Variants in DNAH11 observed in about 807,000 individuals in gnomAD.
DNAH11 encodes dynein axonemal heavy chain 11, also known as axonemal beta dynein heavy chain 11.
Under a neutral mutation model 526.0 loss-of-function variants are expected in DNAH11, and 442 were observed. The ratio of observed to expected loss-of-function variants is 0.84; its 90% CI spans 0.78 to 0.91. DNAH11 has a LOEUF of 0.91. Ranked by LOEUF, DNAH11 falls within the 40% of genes least tolerant of loss-of-function variation. The pLI is 0.00. For missense variants in DNAH11, 6,989 were observed against 5,448.7 expected (o/e 1.28, Z -8.90); for synonymous variants, 2,461 against 1,935.9 (o/e 1.27, Z -7.12).
chr7:21,773,212 G>A (rs1284021989), intron 55 of DNAH11, among the ~76,000 whole-genome samples: 1 of 151,982 alleles, frequency 6.6e-6, no homozygotes, highest in African/African-American at 2.4e-5. Flanking sequence ...TCTTTTTGTG[G>A]GTTTTCTTTC....
At chr7:21,829,847 C>A (rs775969188) in intron 65 of DNAH11, among the ~76,000 whole-genome samples, 125 of 152,270 alleles carry the variant, frequency 8.2e-4, no homozygotes, top group Non-Finnish European at 1.2e-3. Flanking sequence ...CACAGAGATT[C>A]TTGTTTTCAG....
chr7:21,773,945 GA>G lies in DNAH11; in HGVS notation c.9288del (p.Glu3097AsnfsTer4). 1 of 1,566,388 alleles carries G rather than the reference GA, an allele frequency of 6.4e-7. No homozygotes were observed. The highest frequency in any genetic ancestry group is 1.8e-5 in the Admixed American group (1 of 55,388). ...AGAAGAAGCAAAATGAGGTATCCGA[GA>G]AAAAAGAACGCCTGGTGAACGGCAT... ...LKKKQNEVSEKKERLVNGIQK... is the reference protein window; with the variant it reads ...LKKKQNEVSEXKERLVNGIQK... On this transcript the variant is annotated frameshift_variant, in exon 56 of 82. Coordinates refer to ENST00000409508, the MANE Select transcript of DNAH11 (RefSeq NM_001277115.2). LOFTEE classifies it high-confidence loss of function.
chr7:21,745,031 C>G lies in DNAH11; in HGVS notation c.8478C>G (p.His2826Gln). Residue 2826 changes from histidine (H) to glutamine (Q), a missense_variant, in exon 51 of 82, where the codon CAC (histidine) becomes CAG (glutamine). Physicochemically the swap from His to Gln is conservative, Grantham distance 24 (BLOSUM62 0). Transcript: ENST00000409508. ...DNYNELNAAM[H>Q]LVLFEDAMQH... Reference sequence around the variant, plus strand: ...ACAATGAACTAAATGCTGCCATGCACCTAGTTTTGTTTGAAGATGCCATGC... The same window carrying G: ...ACAATGAACTAAATGCTGCCATGCAGCTAGTTTTGTTTGAAGATGCCATGC... 2 of 1,609,304 alleles carry G rather than the reference C, an allele frequency of 1.2e-6. No individual in the cohort carries two copies. Among genetic ancestry groups the G allele is most frequent in the African/African-American group, 2.7e-5 (2 of 74,984 alleles).
intron 34 of DNAH11, among the ~76,000 whole-genome samples, chr7:21,688,024 C>T (rs1236167003): frequency 2.6e-5 from 4 of 152,126 alleles, no homozygotes; most frequent in East Asian, 1.9e-4. Flanking sequence ...TTCGTGCCAC[C>T]GTGCTCCAGC....
At chr7:21,554,355 A>G (rs2128428788) in intron 2 of DNAH11, among the ~76,000 whole-genome samples, 1 of 151,820 alleles carries the variant, frequency 6.6e-6, no homozygotes, top group East Asian at 2.0e-4. Flanking sequence ...TGTATTTTTT[A>G]GTAGAGATGA....
rs376470998 is a variant in DNAH11, at chr7:21,615,200, C to G, written c.3939C>G (p.Tyr1313Ter). ...TTTTTGAAGTGGCTCTTCCAGAGTACAAACAAATGAAACAGTGTCGCAAAG... is the reference window on the plus strand; with the variant it reads ...TTTTTGAAGTGGCTCTTCCAGAGTAGAAACAAATGAAACAGTGTCGCAAAG... ...TRLFEVALPE[Y>*]KQMKQCRKEI... is the part of the protein sequence containing the mutation. Residue 1313 changes from tyrosine to a stop codon, truncating the protein, a stop_gained, in exon 21 of 82, where the codon TAC (tyrosine) becomes TAG (stop). Transcript: ENST00000409508. LOFTEE classifies it high-confidence loss of function. 3.7e-6 allele frequency: 6 copies of G among 1,613,080 alleles called. No homozygotes were observed. The highest frequency in any genetic ancestry group is 4.2e-6 in the Non-Finnish European group (5 of 1,179,458).
At chr7:21,798,332 G>A (rs1263469693) in intron 61 of DNAH11, among the ~76,000 whole-genome samples, 5 of 152,182 alleles carry the variant, frequency 3.3e-5, no homozygotes, top group Non-Finnish European at 7.3e-5. Flanking sequence ...CTGACCTCAG[G>A]TGATCCACCT....
chr7:21,789,797 C>CTCTCTCCTTCCTTCCTTTTT (rs1788366399), intron 61 of DNAH11, among the ~76,000 whole-genome samples: 3 of 68,288 alleles, frequency 4.4e-5, no homozygotes, highest in African/African-American at 1.6e-4. Context: ...TTCTTTCTTT[C>CTCTCTCCTTCCTTCCTTTTT]TTTCTTTCTT....
At chr7:21,787,143 C>T (rs1459525944) in intron 59 of DNAH11, among the ~76,000 whole-genome samples, 4 of 152,134 alleles carry the variant, frequency 2.6e-5, no homozygotes, top group Admixed American at 2.6e-4. Context: ...TATTTTCTGC[C>T]TTTCTTTTCT....
At chr7:21,738,899 A>G in intron 47 of DNAH11, 33 bp downstream of exon 47, 1 of 1,475,074 alleles carries the variant, frequency 6.8e-7, no homozygotes, top group Non-Finnish European at 9.1e-7. Flanking sequence ...CTCTCTCCCA[A>G]AATCTAATAA....
chr7:21,736,733 A>G (rs1785627941), intron 46 of DNAH11, among the ~76,000 whole-genome samples: 1 of 152,180 alleles, frequency 6.6e-6, no homozygotes. Context: ...ACATGCTGGT[A>G]ATCCCAGCTA....
chr7:21,708,799 T>C (rs1188035809), intron 40 of DNAH11, among the ~76,000 whole-genome samples: 1 of 152,200 alleles, frequency 6.6e-6, no homozygotes, highest in Non-Finnish European at 1.5e-5. Flanking sequence ...TGCTCCCTTA[T>C]CTTATTTCAG....
In DNAH11 at chr7:21,749,928, A is replaced by G. The variant is rs1786339019; in HGVS notation, c.8797+127A>G. 4 of 1,426,984 alleles carry G rather than the reference A, an allele frequency of 2.8e-6. No homozygotes were observed. The South Asian group carries it at 4.1e-5, about 15-fold the overall frequency. The allele number at this position is 1,426,984 out of a possible 1,614,324, so 88.4% of individuals were successfully genotyped here. ...CTGGGCAGTCTTTGGGGAGAAACCT[A>G]TAAACCTAACTAATTTGAGGTGTAT... On this transcript the variant is annotated intron_variant, in intron 53 of 81. Transcript: ENST00000409508.
chr7:21,608,527 T>C (rs1298645160), intron 20 of DNAH11, among the ~76,000 whole-genome samples: 1 of 152,216 alleles, frequency 6.6e-6, no homozygotes, highest in Non-Finnish European at 1.5e-5. Context: ...TTAGATTTAA[T>C]TGCTTTAAAC....
At chr7:21,899,292 T>G in intron 79 of DNAH11, 44 bp from the exon 80 acceptor site, 1 of 1,526,516 alleles carries the variant, frequency 6.6e-7, no homozygotes, top group Non-Finnish European at 9.1e-7. Flanking sequence ...AAAATGGCTA[T>G]TTTACTGAAC....
chr7:21,731,075 C>T (rs1785362894), intron 45 of DNAH11, among the ~76,000 whole-genome samples: 1 of 151,662 alleles, frequency 6.6e-6, no homozygotes, highest in South Asian at 2.1e-4. Context: ...ACCTGGGAGG[C>T]AGAGGTTGCA....
intron 44 of DNAH11, among the ~76,000 whole-genome samples, chr7:21,721,658 T>G (rs1350154967): frequency 1.3e-5 from 2 of 152,176 alleles, no homozygotes; most frequent in Middle Eastern, 3.2e-3. Context: ...AATCCCATCA[T>G]GAGGACCCTG....
chr7:21,574,246 C>A (rs961080683), intron 8 of DNAH11, among the ~76,000 whole-genome samples: 4 of 152,066 alleles, frequency 2.6e-5, no homozygotes, highest in Non-Finnish European at 4.4e-5. Context: ...GATGAAATCC[C>A]TCAGATACCT....
chr7:21,767,238 G>T (rs780220795), intron 55 of DNAH11, among the ~76,000 whole-genome samples: 6 of 152,154 alleles, frequency 3.9e-5, no homozygotes, highest in Non-Finnish European at 8.8e-5. Context: ...GTTTCATCAG[G>T]CTGGTTTGGT....
Sources: gnomAD v4.1 joint callset for allele counts (sites outside exome capture counted in the v4.1 genomes callset) on GRCh38, gnomAD v4.1.1 for gene constraint, MANE v1.5 for transcripts, NCBI Gene and HGNC (gene_info 2026-07-23, HGNC 2026-07-21) for gene names.